Variants in NRN1 observed in about 807,000 individuals in gnomAD.
NRN1 encodes the protein neuritin 1, also known as neuritin.
A neutral mutation model predicts 15.0 loss-of-function variants in NRN1; 4 were observed. The ratio of observed to expected loss-of-function variants is 0.27; its 90% CI spans 0.13 to 0.61. NRN1 has a LOEUF of 0.61. Among genes scored for constraint, NRN1 ranks in the 20% least tolerant of loss-of-function variants. The pLI is 0.87. For synonymous variants in NRN1, 85 were observed against 79.8 expected (o/e 1.07, Z -0.35); for missense variants, 134 against 181.9 (o/e 0.74, Z 1.51).
chr6:6,006,547 C>T, intron 1 of NRN1, 148 bp downstream of exon 1: 2 of 708,472 alleles, frequency 2.8e-6, no homozygotes, highest in Non-Finnish European at 5.0e-6. Context: ...CGCGCTAGTC[C>T]CCAGGAACTG....
rs1225174993 is a variant in NRN1, at chr6:6,006,921, AAGAG to A, written c.-176_-173del. The A allele has an allele frequency of 2.2e-4, 76 of 352,762 alleles. No individual in the cohort carries two copies. Among genetic ancestry groups the A allele is most frequent in the African/African-American group, 5.4e-4 (23 of 42,436 alleles). The allele number at this position is 352,762 out of a possible 1,614,324, so 21.9% of individuals were successfully genotyped here. A position where few individuals can be genotyped will look rare whatever the true frequency, so the allele number is the denominator to read the frequency against. On this transcript the variant is annotated 5_prime_UTR_variant, in exon 1 of 3. Transcript: ENST00000244766. Reference sequence around the variant, plus strand: ...AGAGAGGGAGCGAGGAAGAGACAGAAAGAGAGAGAGAGAGAGAAAGAGAGAGAGA... The same window carrying A: ...AGAGAGGGAGCGAGGAAGAGACAGAAAGAGAGAGAGAGAAAGAGAGAGAGA...
intron 2 of NRN1, among the ~76,000 whole-genome samples, chr6:6,000,711 C>T (rs1205844611): frequency 7.4e-6 from 1 of 134,972 alleles, no homozygotes. Flanking sequence ...CTAAAGGATG[C>T]CTAAATTGCT....
intron 1 of NRN1, chr6:6,003,051 G>T: frequency 1.8e-6 from 1 of 565,138 alleles, no homozygotes; most frequent in Non-Finnish European, 2.7e-6. Flanking sequence ...CTCAGGCTTG[G>T]CGCTCTGTCC....
At chr6:6,002,316 C>T in intron 2 of NRN1, 37 bp downstream of exon 2, 1 of 1,609,760 alleles carries the variant, frequency 6.2e-7, no homozygotes, top group South Asian at 1.1e-5. Flanking sequence ...GTAGCGCCCC[C>T]AAAACCGAAG....
intron 2 of NRN1, among the ~76,000 whole-genome samples, chr6:5,999,671 C>G (rs569284290): frequency 6.6e-6 from 1 of 152,334 alleles, no homozygotes; most frequent in Non-Finnish European, 1.5e-5. Context: ...TTCTTACATT[C>G]TCCTCCCCCT....
Position 5,998,973 on chromosome 6 carries a change from C to G in NRN1, c.*3G>C. On this transcript the variant is annotated 3_prime_UTR_variant, in exon 3 of 3. Coordinates refer to ENST00000244766, the MANE Select transcript of NRN1 (RefSeq NM_016588.3). Reference sequence around the variant, plus strand: ...GGGCGCGCGGGGGGAGCTGGCCCCACGCTCAGAAGGAAAGCCAGGTCGCTA... The same window carrying G: ...GGGCGCGCGGGGGGAGCTGGCCCCAGGCTCAGAAGGAAAGCCAGGTCGCTA... 1 of 1,606,642 alleles carries G rather than the reference C, an allele frequency of 6.2e-7. No homozygotes were observed. The highest frequency in any genetic ancestry group is 8.5e-7 in the Non-Finnish European group (1 of 1,176,604).
At chr6:6,003,820 G>C in intron 1 of NRN1, 2 of 1,233,790 alleles carry the variant, frequency 1.6e-6, no homozygotes, top group Non-Finnish European at 2.0e-6. Flanking sequence ...CGCCAGAGAA[G>C]CACAGCGTTA....
chr6:6,000,055 C>A (rs1038327773), intron 2 of NRN1, among the ~76,000 whole-genome samples: 7 of 152,216 alleles, frequency 4.6e-5, no homozygotes, highest in Non-Finnish European at 8.8e-5. Context: ...GTTTCTCCCT[C>A]CCCAGTCTTT....
chr6:6,004,130 C>G (rs1216041502), intron 1 of NRN1: 1 of 785,468 alleles, frequency 1.3e-6, no homozygotes, highest in Non-Finnish European at 1.6e-6. Flanking sequence ...ACGGGAAGCA[C>G]TGGGGAAGGG....
chr6:6,002,981 G>C (rs963818803), intron 1 of NRN1: 13 of 402,940 alleles, frequency 3.2e-5, no homozygotes, highest in Non-Finnish European at 5.7e-5. Flanking sequence ...GAACGGGGTG[G>C]GGAGACGACA....
upstream of NRN1, chr6:6,006,925 GAGAGAGAGAGAGAA>G (rs1419449020): frequency 6.7e-6 from 2 of 297,596 alleles, no homozygotes; most frequent in East Asian, 1.0e-4. Context: ...GACAGAAAGA[GAGAGAGAGAGAGAA>G]AGAGAGAGAG....
At chr6:6,000,177 G>A (rs1757903179) in intron 2 of NRN1, among the ~76,000 whole-genome samples, 1 of 152,118 alleles carries the variant, frequency 6.6e-6, no homozygotes, top group Non-Finnish European at 1.5e-5. Context: ...GCCAACCTTC[G>A]AGGACTCCCC....
chr6:5,999,037 G>A lies in NRN1; in HGVS notation c.368C>T (p.Pro123Leu). 6.2e-7 allele frequency: 1 copy of A among 1,613,762 alleles called. No individual in the cohort carries two copies. Among genetic ancestry groups the A allele is most frequent in the Non-Finnish European group, 8.5e-7 (1 of 1,179,894 alleles). ...SGNGAAGSLL[P>L]AFPVLLVSLS... ...AGACACCAGGAGCACCGGGAACGCCGGGAGCAGGGACCCCGCCGCCCCGTT... is the reference window on the plus strand; with the variant it reads ...AGACACCAGGAGCACCGGGAACGCCAGGAGCAGGGACCCCGCCGCCCCGTT... Residue 123 changes from proline (P) to leucine (L), a missense_variant, in exon 3 of 3, where the codon CCG becomes CTG. Pro to Leu is a moderately conservative substitution (Grantham distance 98, BLOSUM62 -3). Coordinates refer to ENST00000244766, the MANE Select transcript of NRN1 (RefSeq NM_016588.3).
intron 2 of NRN1, among the ~76,000 whole-genome samples, chr6:6,001,965 CA>C (rs1757958626): frequency 6.6e-6 from 1 of 152,234 alleles, no homozygotes; most frequent in African/African-American, 2.4e-5. Flanking sequence ...CACGCAAGAG[CA>C]AAGAATGATC....
chr6:6,002,824 A>C, intron 1 of NRN1: 5 of 414,526 alleles, frequency 1.2e-5, no homozygotes, highest in South Asian at 4.7e-5. Flanking sequence ...CCCTCTTCTC[A>C]CCTCCCTCAT....
At chr6:6,003,871 A>C (rs969347805) in intron 1 of NRN1, 42 of 1,231,558 alleles carry the variant, frequency 3.4e-5, no homozygotes, top group Non-Finnish European at 4.3e-5. Context: ...CGAAATCCGC[A>C]CTGGCGCCCA....
Position 6,006,532 on chromosome 6 carries a change from T to C in NRN1, c.55+163A>G, listed in dbSNP as rs544129775. 1.3e-4 allele frequency among the ~76,000 whole-genome samples: 20 copies of C among 152,318 alleles called. No homozygotes were observed. The South Asian group carries it at 1.5e-3, about 11-fold the overall frequency. ...TCTATAGCTTTAGGAAAAACCGATC[T>C]GGGACGCGCTAGTCCCCAGGAACTG... is the stretch of plus-strand genomic sequence containing the variant. On this transcript the variant is annotated intron_variant, in intron 1 of 2. Coordinates refer to ENST00000244766, the MANE Select transcript of NRN1 (RefSeq NM_016588.3).
intron 2 of NRN1, among the ~76,000 whole-genome samples, chr6:6,000,722 CTTTTTTTTTTTTTT>C (rs55712329): frequency 1.6e-5 from 1 of 60,816 alleles, no homozygotes; most frequent in African/African-American, 6.7e-5. Context: ...CTAAATTGCT[CTTTTTTTTTTTTTT>C]TTTTTTTTTT....
In NRN1 at chr6:5,999,019, A is replaced by G; in HGVS notation, c.386T>C (p.Leu129Pro). The G allele has an allele frequency of 6.2e-7, 1 of 1,613,538 alleles. No homozygotes were observed. The highest frequency in any genetic ancestry group is 8.5e-7 in the Non-Finnish European group (1 of 1,179,796). Reference protein sequence around the residue: ...GSLLPAFPVLLVSLSAALATW... With the variant: ...GSLLPAFPVLPVSLSAALATW... ...CGCTAAAGCTGCCGAGAGAGACACC[A>G]GGAGCACCGGGAACGCCGGGAGCAG... Residue 129 changes from leucine (L) to proline (P), a missense_variant, in exon 3 of 3, where the codon CTG becomes CCG. Physicochemically the swap from Leu to Pro is moderately conservative, Grantham distance 98. Transcript: ENST00000244766.
Sources: allele counts gnomAD v4.1 joint callset (sites outside exome capture counted in the v4.1 genomes callset), GRCh38; gene constraint gnomAD v4.1.1; transcripts MANE v1.5; gene names NCBI Gene and HGNC (gene_info 2026-07-23, HGNC 2026-07-21).